Variants in PRKACB observed in about 807,000 individuals in gnomAD.
PRKACB encodes cAMP-dependent protein kinase catalytic subunit beta.
In PRKACB, 16 loss-of-function variants were observed where a neutral mutation model predicts 51.4. The ratio of observed to expected loss-of-function variants is 0.31; its 90% confidence interval spans 0.21 to 0.47. The LOEUF (loss-of-function observed/expected upper bound fraction) is 0.47, where lower values mean the gene tolerates loss of function less well. Ranked by LOEUF, PRKACB falls within the 20% of genes least tolerant of loss-of-function variation. The pLI, the probability that PRKACB is intolerant of heterozygous loss-of-function variation, is 1.00. For synonymous variants in PRKACB, 147 were observed against 154.4 expected (o/e 0.95, Z 0.35); for missense variants, 309 against 464.5 (o/e 0.67, Z 3.08).
intron 9 of PRKACB, among the ~76,000 whole-genome samples, chr1:84,221,833 T>A (rs970204826): frequency 1.8e-4 from 27 of 152,156 alleles, no homozygotes; most frequent in African/African-American, 6.5e-4. Flanking sequence ...AGACTTGTTT[T>A]GTGGCCTAAT....
chr1:84,169,496 T>C (rs1231449127), intron 1 of PRKACB, among the ~76,000 whole-genome samples: 1 of 151,664 alleles, frequency 6.6e-6, no homozygotes, highest in Non-Finnish European at 1.5e-5. Flanking sequence ...TGCAGAAAAG[T>C]AAATTAATAA....
intron 9 of PRKACB, among the ~76,000 whole-genome samples, chr1:84,223,924 C>T (rs1191123174): frequency 6.6e-6 from 1 of 152,212 alleles, no homozygotes; most frequent in Non-Finnish European, 1.5e-5. Context: ...ACATTGACAT[C>T]TCCACATCTG....
At chr1:84,139,981 A>G, upstream of PRKACB, among the ~76,000 whole-genome samples, 1 of 152,016 alleles carries the variant, frequency 6.6e-6, no homozygotes, top group South Asian at 2.1e-4. Context: ...AATAGCTTGA[A>G]CCCAGGAGGC....
chr1:84,167,474 G>A lies in PRKACB; in HGVS notation c.188-11703G>A, dbSNP rs540445054. 2.8e-4 allele frequency among the ~76,000 whole-genome samples: 43 copies of A among 151,398 alleles called. 1 individual carries two copies. The highest frequency in any genetic ancestry group is 9.9e-4 in the Admixed American group (15 of 15,126). Reference sequence around the variant, plus strand: ...ATTTAGAGAACCAGTCATTACCTCCGACACTGACCCTGTGGAATTAGGTGA... The same window carrying A: ...ATTTAGAGAACCAGTCATTACCTCCAACACTGACCCTGTGGAATTAGGTGA... On this transcript the variant is annotated intron_variant, in intron 1 of 9. Transcript: ENST00000370685.
At chr1:84,229,852 G>A (rs1675302799) in intron 9 of PRKACB, among the ~76,000 whole-genome samples, 2 of 152,028 alleles carry the variant, frequency 1.3e-5, no homozygotes, top group Admixed American at 6.6e-5. Flanking sequence ...AGATGAGTAG[G>A]TTGCAAGAAT....
At chr1:84,149,555 C>A (rs980026072) in intron 1 of PRKACB, among the ~76,000 whole-genome samples, 1 of 152,140 alleles carries the variant, frequency 6.6e-6, no homozygotes, top group Non-Finnish European at 1.5e-5. Context: ...GCCACTGCAC[C>A]CAGCCCAGCT....
intron 1 of PRKACB, among the ~76,000 whole-genome samples, chr1:84,081,867 C>G (rs1647563124): frequency 6.6e-6 from 1 of 152,146 alleles, no homozygotes; most frequent in Non-Finnish European, 1.5e-5. Flanking sequence ...CGTAAAGTTA[C>G]CATGTGACCT....
At position 84,214,287 on chromosome 1, in the gene PRKACB, G is replaced by A. The variant is rs757549113; in HGVS notation, c.1041G>A (p.Thr347=). Residue 347 remains threonine (T), a synonymous_variant, in exon 9 of 10, where the codon ACG becomes ACA. Coordinates refer to ENST00000370685, the MANE Select transcript of PRKACB (RefSeq NM_182948.4). The part of the protein sequence containing the change: ...SDIKTHKWFA[T]TDWIAIYQRK... ...TAAAAACTCACAAGTGGTTTGCCAC[G>A]ACAGATTGGATTGCTATTTACCAGA... 6.2e-6 allele frequency: 10 copies of A among 1,607,266 alleles called. No individual in the cohort carries two copies. The highest frequency in any genetic ancestry group is 5.6e-5 in the South Asian group (5 of 89,384).
chr1:84,169,418 T>C (rs12077806), intron 1 of PRKACB, among the ~76,000 whole-genome samples: 2,377 of 151,764 alleles, frequency 0.016, 65 homozygotes, highest in African/African-American at 0.051. Flanking sequence ...GAAAAAGTTG[T>C]AAGAAATAAA....
intron 1 of PRKACB, among the ~76,000 whole-genome samples, chr1:84,100,574 C>T (rs922850656): frequency 6.6e-6 from 1 of 152,120 alleles, no homozygotes; most frequent in Non-Finnish European, 1.5e-5. Context: ...GATGCAAACT[C>T]CATCAGTCTG....
intron 1 of PRKACB, among the ~76,000 whole-genome samples, chr1:84,135,325 A>T (rs1460854891): frequency 6.6e-6 from 1 of 152,218 alleles, no homozygotes; most frequent in Non-Finnish European, 1.5e-5. Flanking sequence ...CTCCACTATT[A>T]TAGTTGAAGA....
At chr1:84,083,916 A>G (rs1647754001) in intron 1 of PRKACB, among the ~76,000 whole-genome samples, 1 of 152,172 alleles carries the variant, frequency 6.6e-6, no homozygotes, top group African/African-American at 2.4e-5. Context: ...AGCTCCTAAA[A>G]TGTGACAGAC....
At chr1:84,184,961 C>T in intron 4 of PRKACB, 139 bp from the exon 5 acceptor site, 2 of 432,092 alleles carry the variant, frequency 4.6e-6, no homozygotes, top group Admixed American at 4.5e-5. Context: ...AAAGCTAGAG[C>T]ATGTTCCATT....
At chr1:84,086,047 C>A in intron 1 of PRKACB, 1 of 954,348 alleles carries the variant, frequency 1.0e-6, no homozygotes, top group Non-Finnish European at 1.7e-6. Flanking sequence ...AGATGGTGGT[C>A]AAGCAGCATA....
intron 1 of PRKACB, among the ~76,000 whole-genome samples, chr1:84,092,399 A>G (rs143667304): frequency 1.3e-5 from 2 of 152,310 alleles, no homozygotes; most frequent in African/African-American, 2.4e-5. Flanking sequence ...ATAGCAAAAC[A>G]TATTTTTTCT....
At chr1:84,117,807 GTTTCT>G in intron 1 of PRKACB, among the ~76,000 whole-genome samples, 1 of 152,020 alleles carries the variant, frequency 6.6e-6, no homozygotes, top group Non-Finnish European at 1.5e-5. Context: ...CTCTGACTTT[GTTTCT>G]TTTCTTCAGC....
chr1:84,078,304 C>G, exon 1 of PRKACB: 1 of 1,606,258 alleles, frequency 6.2e-7, no homozygotes, highest in Non-Finnish European at 8.5e-7. Flanking sequence ...TTCCCTGACC[C>G]CTTCTTGCCA....
intron 1 of PRKACB, among the ~76,000 whole-genome samples, chr1:84,122,351 T>C (rs1472995306): frequency 6.6e-6 from 1 of 152,200 alleles, no homozygotes; most frequent in African/African-American, 2.4e-5. Context: ...CCTTCAGTTT[T>C]CTCTTTGAAA....
At chr1:84,231,270 C>T (rs915470654) in intron 9 of PRKACB, among the ~76,000 whole-genome samples, 13 of 152,170 alleles carry the variant, frequency 8.5e-5, no homozygotes, top group African/African-American at 3.1e-4. Context: ...AGGGATGAAG[C>T]CCACTTGATC....
Sources: allele counts gnomAD v4.1 joint callset (sites outside exome capture counted in the v4.1 genomes callset), GRCh38; gene constraint gnomAD v4.1.1; transcripts MANE v1.5; gene names NCBI Gene and HGNC (gene_info 2026-07-23, HGNC 2026-07-21).